ROBO2: variants seen among roughly 807,000 people sequenced by gnomAD.
ROBO2 encodes roundabout homolog 2.
A neutral mutation model predicts 160.8 loss-of-function variants in ROBO2; 53 were observed. The observed-to-expected ratio is 0.33, with a 90% CI of 0.26 to 0.41. The LOEUF (loss-of-function observed/expected upper bound fraction) is 0.41. Ranked by LOEUF, ROBO2 falls within the 10% of genes least tolerant of loss-of-function variation. ROBO2 has a pLI of 1.00. For synonymous variants in ROBO2, 664 were observed against 611.7 expected (o/e 1.09, Z -1.26); for missense variants, 1,577 against 1,722.4 (o/e 0.92, Z 1.49).
chr3:77,157,113 A>G (rs1293822679), intron 2 of ROBO2, among the ~76,000 whole-genome samples: 3 of 152,090 alleles, frequency 2.0e-5, no homozygotes, highest in Non-Finnish European at 4.4e-5. Context: ...TACACACTAA[A>G]TGTAGAAAAC....
chr3:76,089,466 A>T (rs1576811078), intron 2 of ROBO2, among the ~76,000 whole-genome samples: 2 of 152,166 alleles, frequency 1.3e-5, no homozygotes, highest in Admixed American at 1.3e-4. Flanking sequence ...GAACATGTAT[A>T]AAAAGAATTA....
At chr3:77,228,075 A>G (rs1213398882) in intron 2 of ROBO2, among the ~76,000 whole-genome samples, 1 of 152,198 alleles carries the variant, frequency 6.6e-6, no homozygotes, top group Non-Finnish European at 1.5e-5. Context: ...TTGATCAAGC[A>G]TACACTAAGA....
At chr3:77,613,184 T>C (rs2094689149) in intron 21 of ROBO2, among the ~76,000 whole-genome samples, 1 of 152,012 alleles carries the variant, frequency 6.6e-6, no homozygotes, top group Non-Finnish European at 1.5e-5. Flanking sequence ...ACATGATGCA[T>C]ATAACACATA....
intron 2 of ROBO2, among the ~76,000 whole-genome samples, chr3:76,576,701 CTTTTTTTTT>C (rs56404865): frequency 3.2e-5 from 2 of 62,392 alleles, no homozygotes; most frequent in Non-Finnish European, 5.7e-5. Context: ...CATTTTCTTT[CTTTTTTTTT>C]TTTTTTTTTT....
At chr3:77,219,497 A>ATGTATCTGTG (rs2085485815) in intron 2 of ROBO2, among the ~76,000 whole-genome samples, 1 of 141,020 alleles carries the variant, frequency 7.1e-6, no homozygotes, top group African/African-American at 2.7e-5. Context: ...CTGTATATAT[A>ATGTATCTGTG]TATATATATA....
intron 1 of ROBO2, among the ~76,000 whole-genome samples, chr3:77,080,712 C>T (rs973692126): frequency 2.0e-5 from 3 of 152,090 alleles, no homozygotes; most frequent in African/African-American, 4.8e-5. Context: ...CTACAGTTGA[C>T]GGTAAGGGTA....
chr3:77,382,962 G>A (rs2073703032), intron 2 of ROBO2, among the ~76,000 whole-genome samples: 1 of 152,082 alleles, frequency 6.6e-6, no homozygotes, highest in South Asian at 2.1e-4. Flanking sequence ...TTTTTTTAAT[G>A]ACAGAGAACT....
At chr3:76,890,839 C>T (rs762866101) in intron 2 of ROBO2, among the ~76,000 whole-genome samples, 7 of 152,026 alleles carry the variant, frequency 4.6e-5, no homozygotes, top group Non-Finnish European at 8.8e-5. Flanking sequence ...TTCTTCTTGC[C>T]TGTTGCACTT....
intron 2 of ROBO2, among the ~76,000 whole-genome samples, chr3:76,964,280 T>C (rs1378130802): frequency 6.6e-6 from 1 of 152,206 alleles, no homozygotes; most frequent in Non-Finnish European, 1.5e-5. Context: ...TGAGTCTAAT[T>C]ATTTGATCAC....
At chr3:76,535,232 A>T (rs2082431751) in intron 2 of ROBO2, among the ~76,000 whole-genome samples, 1 of 152,036 alleles carries the variant, frequency 6.6e-6, no homozygotes, top group South Asian at 2.1e-4. Flanking sequence ...GGATAATCTG[A>T]TTTATGAGGC....
At chr3:76,237,228 T>G (rs2107498556) in intron 2 of ROBO2, among the ~76,000 whole-genome samples, 1 of 152,234 alleles carries the variant, frequency 6.6e-6, no homozygotes, top group African/African-American at 2.4e-5. Context: ...AATCTTGGTG[T>G]TAAAGTCACT....
At chr3:76,165,581 A>C (rs550158860) in intron 2 of ROBO2, among the ~76,000 whole-genome samples, 38 of 152,062 alleles carry the variant, frequency 2.5e-4, no homozygotes, top group Non-Finnish European at 4.9e-4. Context: ...TGTAGTCACA[A>C]CTCAATTAGC....
intron 2 of ROBO2, among the ~76,000 whole-genome samples, chr3:77,208,035 G>A (rs534478772): frequency 3.3e-5 from 5 of 152,270 alleles, no homozygotes; most frequent in Admixed American, 2.6e-4. Flanking sequence ...TATCCTGAGC[G>A]CTCTCCTGTA....
At chr3:76,047,096 T>C (rs952969060) in intron 2 of ROBO2, among the ~76,000 whole-genome samples, 1 of 152,212 alleles carries the variant, frequency 6.6e-6, no homozygotes, top group African/African-American at 2.4e-5. Context: ...GATGCTGTAC[T>C]TAATTATAGG....
At chr3:76,750,477 T>C (rs1217016177) in intron 2 of ROBO2, among the ~76,000 whole-genome samples, 1 of 152,020 alleles carries the variant, frequency 6.6e-6, no homozygotes, top group Non-Finnish European at 1.5e-5. Context: ...AAATAAAGGG[T>C]ATTCAATTAG....
intron 2 of ROBO2, among the ~76,000 whole-genome samples, chr3:76,090,926 G>A (rs1355495313): frequency 6.6e-6 from 1 of 152,148 alleles, no homozygotes; most frequent in African/African-American, 2.4e-5. Context: ...TTGGACATAG[G>A]CCTTACAACT....
chr3:77,497,670 CT>C (rs1250922400), intron 5 of ROBO2, among the ~76,000 whole-genome samples: 2 of 152,090 alleles, frequency 1.3e-5, no homozygotes, highest in African/African-American at 2.4e-5. Context: ...CTTATTAGTA[CT>C]GTCTTGATAG....
intron 2 of ROBO2, among the ~76,000 whole-genome samples, chr3:77,320,453 C>A (rs902741064): frequency 2.0e-5 from 3 of 152,072 alleles, no homozygotes; most frequent in African/African-American, 4.8e-5. Flanking sequence ...GCCTCTTGAT[C>A]TTTTCCCACT....
At chr3:76,143,745 C>T (rs2071774737) in intron 2 of ROBO2, among the ~76,000 whole-genome samples, 1 of 152,028 alleles carries the variant, frequency 6.6e-6, no homozygotes, top group Non-Finnish European at 1.5e-5. Context: ...ATTATCAATA[C>T]ATTTTAAAGG....
Sources: gnomAD v4.1 joint callset for allele counts (sites outside exome capture counted in the v4.1 genomes callset) on GRCh38, gnomAD v4.1.1 for gene constraint, MANE v1.5 for transcripts, NCBI Gene and HGNC (gene_info 2026-07-23, HGNC 2026-07-21) for gene names.